The following PAPSS2 variants were observed in gnomAD, a reference collection of about 807,000 sequenced individuals.
The protein encoded by PAPSS2 is 3'-phosphoadenosine 5'-phosphosulfate synthase 2, also known as bifunctional 3'-phosphoadenosine 5'-phosphosulfate synthase 2.
In PAPSS2, 61 loss-of-function variants were observed where a neutral mutation model predicts 66.5. The observed-to-expected ratio is 0.92, with a 90% CI of 0.75 to 1.14. PAPSS2 has a LOEUF of 1.14. Ranked by LOEUF, PAPSS2 falls within the 50% of genes most tolerant of loss-of-function variation. PAPSS2 has a pLI of 0.00. For missense variants in PAPSS2, 708 were observed against 789.6 expected (o/e 0.90, Z 1.24); for synonymous variants, 289 against 287.5 (o/e 1.01, Z -0.05).
In PAPSS2 at chr10:87,715,758, G is replaced by C. The variant is rs760543162; in HGVS notation, c.780G>C (p.Leu260Phe). 25 of 1,613,506 alleles carry C rather than the reference G, an allele frequency of 1.5e-5. No homozygotes were observed. The highest frequency in any genetic ancestry group is 2.0e-5 in the Non-Finnish European group (24 of 1,179,566). Residue 260 changes from leucine (L) to phenylalanine (F), a missense_variant, in exon 7 of 13, where the codon TTG becomes TTC. Leu to Phe is a conservative substitution (Grantham distance 22). Coordinates refer to ENST00000456849, the MANE Select transcript of PAPSS2 (RefSeq NM_001015880.2). ...TGGATCTCCAGTGGGTCCAGGTTTT[G>C]AGCGAAGGCTGGGCCACTCCCCTCA... ...TKLDLQWVQV[L>F]SEGWATPLKG...
intron 8 of PAPSS2, 141 bp downstream of exon 8, chr10:87,721,911 A>G (rs1853603215): frequency 1.7e-6 from 1 of 597,340 alleles, no homozygotes; most frequent in Non-Finnish European, 2.9e-6. Context: ...AACCAGCTAT[A>G]GTAGAATAAC....
At position 87,741,216 on chromosome 10, in the gene PAPSS2, A is replaced by G. The variant is rs756312641; in HGVS notation, c.1087-19A>G. On this transcript the variant is annotated intron_variant, in intron 9 of 12. Transcript: ENST00000456849. ...AAATCACAATTAATCATTAGCAATC[A>G]TAACAATGTTCTTTCTAGATGGTGA... The G allele has an allele frequency of 1.2e-6, 2 of 1,612,800 alleles. No individual in the cohort carries two copies. The highest frequency in any genetic ancestry group is 1.1e-5 in the South Asian group (1 of 91,066).
chr10:87,676,139 G>A (rs903246381), intron 1 of PAPSS2, among the ~76,000 whole-genome samples: 4 of 151,936 alleles, frequency 2.6e-5, no homozygotes, highest in Non-Finnish European at 5.9e-5. Context: ...TACCTAATGG[G>A]AAGACAGCTT....
chr10:87,677,036 A>AT (rs1852958541), intron 1 of PAPSS2, among the ~76,000 whole-genome samples: 1 of 152,020 alleles, frequency 6.6e-6, no homozygotes, highest in Admixed American at 6.6e-5. Flanking sequence ...TCTACTAAAA[A>AT]TAAAAAAATT....
At position 87,659,939 on chromosome 10, in the gene PAPSS2, G is replaced by C; in HGVS notation, c.-43G>C. The C allele has an allele frequency of 6.2e-7, 1 of 1,608,890 alleles. No individual in the cohort carries two copies. Among genetic ancestry groups the C allele is most frequent in the Admixed American group, 1.7e-5 (1 of 59,882 alleles). On this transcript the variant is annotated 5_prime_UTR_variant, in exon 1 of 13. Coordinates refer to ENST00000456849, the MANE Select transcript of PAPSS2 (RefSeq NM_001015880.2). ...CGCCGCCGCCGTCCCTGCGTCCTTC[G>C]GTCTCTGCTCCCGGGACCCGGGCTC...
chr10:87,664,520 G>GT (rs1403929986), intron 1 of PAPSS2, among the ~76,000 whole-genome samples: 4 of 152,296 alleles, frequency 2.6e-5, no homozygotes, highest in African/African-American at 7.2e-5. Flanking sequence ...CTTTGGTGCG[G>GT]TTAAAAGATA....
intron 9 of PAPSS2, among the ~76,000 whole-genome samples, chr10:87,729,393 G>C (rs553883271): frequency 1.3e-5 from 2 of 151,994 alleles, no homozygotes; most frequent in Non-Finnish European, 2.9e-5. Flanking sequence ...ATTATGACCT[G>C]TTATGGTGAT....
chr10:87,704,824 T>C (rs1383802541), intron 1 of PAPSS2, among the ~76,000 whole-genome samples: 1 of 152,172 alleles, frequency 6.6e-6, no homozygotes. Context: ...GTATTTTTAG[T>C]AGAGACAGGG....
At chr10:87,700,620 T>C (rs1295405013) in intron 1 of PAPSS2, among the ~76,000 whole-genome samples, 1 of 148,158 alleles carries the variant, frequency 6.7e-6, no homozygotes, top group Non-Finnish European at 1.5e-5. Context: ...ATCACACCAC[T>C]GCACTGCAGC....
Position 87,745,229 on chromosome 10 carries a change from A to T in PAPSS2, c.1719A>T (p.Ala573=). The T allele has an allele frequency of 1.2e-6, 2 of 1,608,562 alleles. No homozygotes were observed. Among genetic ancestry groups the T allele is most frequent in the Non-Finnish European group, 1.7e-6 (2 of 1,176,946 alleles). The change falls in exon 12 of 13, where the codon GCA becomes GCT. Residue 573 remains alanine, a splice_region_variant and synonymous_variant. Transcript: ENST00000456849. ...AKKAMDFYDP[A]RHNEFDFISG... is the part of the protein sequence containing the mutation. ...AAGCCATGGACTTCTATGATCCAGCAAGGTAGGTTTTCAGAGGAAAATTCT... is the reference window on the plus strand; with the variant it reads ...AAGCCATGGACTTCTATGATCCAGCTAGGTAGGTTTTCAGAGGAAAATTCT...
chr10:87,687,929 T>C (rs1180873469), intron 1 of PAPSS2, among the ~76,000 whole-genome samples: 2 of 152,226 alleles, frequency 1.3e-5, no homozygotes, highest in African/African-American at 2.4e-5. Context: ...TTTTAAATGA[T>C]TTGATTTAGA....
intron 1 of PAPSS2, chr10:87,660,482 C>A: frequency 5.1e-6 from 1 of 195,066 alleles, no homozygotes. Context: ...GAGGAAACTG[C>A]AATTATCAAA....
At chr10:87,706,764 A>G (rs1853396340) in intron 1 of PAPSS2, among the ~76,000 whole-genome samples, 2 of 151,994 alleles carry the variant, frequency 1.3e-5, no homozygotes, top group African/African-American at 2.4e-5. Flanking sequence ...GTCTCAAACA[A>G]CAACAACAAC....
intron 9 of PAPSS2, among the ~76,000 whole-genome samples, chr10:87,731,795 A>C (rs1853733071): frequency 6.6e-6 from 1 of 152,240 alleles, no homozygotes; most frequent in Admixed American, 6.5e-5. Flanking sequence ...AATTGTTGCA[A>C]TCTCATGATA....
intron 9 of PAPSS2, among the ~76,000 whole-genome samples, chr10:87,736,181 GATTAT>G (rs1425105959): frequency 2.6e-5 from 4 of 151,098 alleles, no homozygotes; most frequent in Middle Eastern, 3.4e-3. Flanking sequence ...CTCTGTAATT[GATTAT>G]ACTTCAATAC....
chr10:87,712,961 TTTC>T, intron 2 of PAPSS2, 111 bp from the exon 3 acceptor site: 4 of 690,508 alleles, frequency 5.8e-6, no homozygotes, highest in Non-Finnish European at 7.6e-6. Context: ...GATTTCTTTC[TTTC>T]TTTTTTTTTT....
At chr10:87,745,507 A>G (rs1853926706) in intron 12 of PAPSS2, among the ~76,000 whole-genome samples, 1 of 152,248 alleles carries the variant, frequency 6.6e-6, no homozygotes. Flanking sequence ...AGGAAGCAAC[A>G]TAGAAAGAGA....
intron 1 of PAPSS2, among the ~76,000 whole-genome samples, chr10:87,690,803 A>G (rs1169025174): frequency 6.6e-6 from 1 of 152,222 alleles, no homozygotes; most frequent in Non-Finnish European, 1.5e-5. Context: ...TTTAATCCTC[A>G]TAACAGTTCA....
chr10:87,740,337 A>G (rs1853852891), intron 9 of PAPSS2, among the ~76,000 whole-genome samples: 1 of 152,186 alleles, frequency 6.6e-6, no homozygotes, highest in African/African-American at 2.4e-5. Context: ...GTGTGTTTAA[A>G]AATCCTGTAA....
Sources: allele counts gnomAD v4.1 joint callset (sites outside exome capture counted in the v4.1 genomes callset), GRCh38; gene constraint gnomAD v4.1.1; transcripts MANE v1.5; gene names NCBI Gene and HGNC (gene_info 2026-07-23, HGNC 2026-07-21).